The following NKAIN2 variants were observed in gnomAD, a reference collection of about 807,000 sequenced individuals.
The protein encoded by NKAIN2 is sodium/potassium transporting ATPase interacting 2.
NKAIN2 carries 14 observed loss-of-function variants against 32.6 expected under a neutral mutation model. The observed-to-expected ratio is 0.43, with a 90% CI of 0.28 to 0.67. The LOEUF is 0.67. Ranked by LOEUF, NKAIN2 falls within the 30% of genes least tolerant of loss-of-function variation. NKAIN2 has a pLI of 0.17. For missense variants in NKAIN2, 198 were observed against 258.3 expected, an observed-to-expected ratio of 0.77 and a Z score of 1.60; for synonymous variants, 80 against 87.2, an observed-to-expected ratio of 0.92 and a Z score of 0.46.
At chr6:124,353,002 T>C (rs971149074) in intron 2 of NKAIN2, among the ~76,000 whole-genome samples, 4 of 152,222 alleles carry the variant, frequency 2.6e-5, no homozygotes, top group Admixed American at 2.6e-4. Flanking sequence ...TTATCATTTA[T>C]TGTTACATAA....
chr6:124,500,651 CTCAA>C (rs1032131341), intron 3 of NKAIN2, among the ~76,000 whole-genome samples: 23 of 151,686 alleles, frequency 1.5e-4, no homozygotes, highest in Middle Eastern at 6.8e-3. Flanking sequence ...AAGACTCTGT[CTCAA>C]TCAATCAATC....
intron 3 of NKAIN2, among the ~76,000 whole-genome samples, chr6:124,623,593 A>C (rs1783191950): frequency 6.6e-6 from 1 of 152,084 alleles, no homozygotes; most frequent in South Asian, 2.1e-4. Context: ...TTGTATTAAA[A>C]CTCTAAATTC....
chr6:124,609,658 G>T (rs765629760), intron 3 of NKAIN2, among the ~76,000 whole-genome samples: 2 of 151,768 alleles, frequency 1.3e-5, no homozygotes, highest in Non-Finnish European at 2.9e-5. Context: ...GCCCCCCTCC[G>T]GAAGCCCCAC....
intron 3 of NKAIN2, among the ~76,000 whole-genome samples, chr6:124,460,974 A>G (rs1040132239): frequency 2.6e-5 from 4 of 151,284 alleles, no homozygotes; most frequent in Non-Finnish European, 4.4e-5. Context: ...TTTCTTTCTC[A>G]GTAATGTATT....
chr6:124,796,165 G>A (rs978232672), intron 5 of NKAIN2, among the ~76,000 whole-genome samples: 1 of 152,092 alleles, frequency 6.6e-6, no homozygotes, highest in East Asian at 1.9e-4. Flanking sequence ...TAGTTAGCTA[G>A]GGATGCCATA....
At chr6:124,461,771 A>C (rs1052140123) in intron 3 of NKAIN2, among the ~76,000 whole-genome samples, 1 of 151,890 alleles carries the variant, frequency 6.6e-6, no homozygotes, top group Non-Finnish European at 1.5e-5. Flanking sequence ...CAGTAGTGGG[A>C]GAAGAACTGC....
At chr6:124,331,371 A>C (rs935194278) in intron 2 of NKAIN2, among the ~76,000 whole-genome samples, 41 of 144,194 alleles carry the variant, frequency 2.8e-4, no homozygotes, top group African/African-American at 8.4e-4. Flanking sequence ...AAAAAAAAAA[A>C]AAAAAAAACT....
chr6:124,047,513 C>G (rs995558768), intron 1 of NKAIN2, among the ~76,000 whole-genome samples: 5 of 151,776 alleles, frequency 3.3e-5, no homozygotes, highest in African/African-American at 9.7e-5. Flanking sequence ...GTCATGGACC[C>G]TACACTAACA....
chr6:124,321,040 C>G (rs1449286386), intron 2 of NKAIN2, among the ~76,000 whole-genome samples: 1 of 152,148 alleles, frequency 6.6e-6, no homozygotes, highest in African/African-American at 2.4e-5. Flanking sequence ...TAGCACCTAC[C>G]ACAGGACCTA....
At chr6:124,527,078 C>A (rs549194573) in intron 3 of NKAIN2, among the ~76,000 whole-genome samples, 95 of 152,184 alleles carry the variant, frequency 6.2e-4, no homozygotes, top group African/African-American at 2.1e-3. Flanking sequence ...AAAAAGTACC[C>A]AACTCAGAGT....
intron 2 of NKAIN2, among the ~76,000 whole-genome samples, chr6:124,289,681 A>G (rs1476418435): frequency 6.6e-6 from 1 of 152,156 alleles, no homozygotes; most frequent in Non-Finnish European, 1.5e-5. Context: ...CTCCATAGAG[A>G]CTATCACCAA....
chr6:124,219,048 C>T (rs1039039349), intron 1 of NKAIN2, among the ~76,000 whole-genome samples: 1 of 151,908 alleles, frequency 6.6e-6, no homozygotes, highest in Non-Finnish European at 1.5e-5. Context: ...AGACCACCTC[C>T]ATGATGCAAT....
At chr6:124,607,559 T>C (rs1782544022) in intron 3 of NKAIN2, among the ~76,000 whole-genome samples, 1 of 152,138 alleles carries the variant, frequency 6.6e-6, no homozygotes, top group African/African-American at 2.4e-5. Flanking sequence ...AATATAGAGA[T>C]AGTCTCAAGC....
intron 2 of NKAIN2, among the ~76,000 whole-genome samples, chr6:124,300,422 C>T (rs1303489047): frequency 6.6e-6 from 1 of 152,136 alleles, no homozygotes; most frequent in African/African-American, 2.4e-5. Flanking sequence ...GTATTAATTA[C>T]CCAGTCTCAG....
intron 1 of NKAIN2, among the ~76,000 whole-genome samples, chr6:123,973,448 C>G (rs1424016684): frequency 6.6e-6 from 1 of 152,034 alleles, no homozygotes; most frequent in Admixed American, 6.6e-5. Flanking sequence ...TTATAGCTTA[C>G]ATCTTACTTG....
chr6:124,505,511 C>A (rs778490876), intron 3 of NKAIN2, among the ~76,000 whole-genome samples: 1 of 152,164 alleles, frequency 6.6e-6, no homozygotes, highest in South Asian at 2.1e-4. Context: ...AAAGAAGAAG[C>A]TTTTGCTGAA....
chr6:123,832,267 C>T (rs979025452), intron 1 of NKAIN2, among the ~76,000 whole-genome samples: 17 of 152,292 alleles, frequency 1.1e-4, no homozygotes, highest in South Asian at 4.1e-4. Flanking sequence ...CTTAATAATA[C>T]GCATTTAAAG....
chr6:124,209,742 C>T (rs1791078005), intron 1 of NKAIN2, among the ~76,000 whole-genome samples: 1 of 151,822 alleles, frequency 6.6e-6, no homozygotes, highest in South Asian at 2.1e-4. Context: ...ACCTGTTGGA[C>T]ATTTGTATGT....
intron 1 of NKAIN2, among the ~76,000 whole-genome samples, chr6:124,052,952 G>C (rs1782480510): frequency 6.6e-6 from 1 of 152,064 alleles, no homozygotes. Flanking sequence ...ACTGAAAAGA[G>C]AGGGAGAGTA....
Sources: gnomAD v4.1 joint callset for allele counts (sites outside exome capture counted in the v4.1 genomes callset) on GRCh38, gnomAD v4.1.1 for gene constraint, MANE v1.5 for transcripts, NCBI Gene and HGNC (gene_info 2026-07-23, HGNC 2026-07-21) for gene names.